The following ABCA5 variants were observed in gnomAD, a reference collection of about 807,000 sequenced individuals.
ABCA5 encodes cholesterol transporter ABCA5.
In ABCA5, 163 loss-of-function variants were observed where a neutral mutation model predicts 206.0. That is an observed-to-expected ratio of 0.79 (90% CI 0.70 to 0.90). The LOEUF (loss-of-function observed/expected upper bound fraction) is 0.90, where lower values mean the gene tolerates loss of function less well. Among genes scored for constraint, ABCA5 ranks in the 40% least tolerant of loss-of-function variants. The pLI is 0.00. For missense variants in ABCA5, 1,859 were observed against 1,912.9 expected (o/e 0.97, Z 0.53); for synonymous variants, 609 against 613.8 (o/e 0.99, Z 0.11).
At position 69,250,581 on chromosome 17, in the gene ABCA5, T is replaced by C. The variant is rs1477001864; in HGVS notation, c.4576A>G (p.Lys1526Glu). The C allele has an allele frequency of 1.1e-5, 18 of 1,599,580 alleles. No homozygotes were observed. Among genetic ancestry groups the C allele is most frequent in the Non-Finnish European group, 1.4e-5 (16 of 1,175,006 alleles). Reference protein sequence around the residue: ...TVQHLKSKFGKGYFLEIKLKD... With the variant: ...TVQHLKSKFGEGYFLEIKLKD... The stretch of plus-strand genomic sequence containing the variant: ...AATTTAATTTCCAAAAAGTAGCCTT[T>C]TCCAAATTTACTCTTTAGATGTTGT... The change falls in exon 36 of 39, where the codon AAA becomes GAA. Residue 1526 changes from lysine to glutamate, a missense_variant. By Grantham distance (56) the Lys-to-Glu change is moderately conservative. Transcript: ENST00000392676.
In ABCA5 at chr17:69,253,603, C is replaced by T. The variant is rs1342075994; in HGVS notation, c.4385G>A (p.Gly1462Asp). 2 of 1,613,726 alleles carry T rather than the reference C, an allele frequency of 1.2e-6. No homozygotes were observed. Among genetic ancestry groups the T allele is most frequent in the African/African-American group, 1.3e-5 (1 of 74,998 alleles). Residue 1462 changes from glycine to aspartate, a missense_variant, in exon 34 of 39, where the codon GGT becomes GAT. Physicochemically the swap from Gly to Asp is moderately conservative, Grantham distance 94. Transcript: ENST00000392676. ...QITLLDEPST[G>D]MDPKAKQHMW... is the part of the protein sequence containing the mutation. The stretch of plus-strand genomic sequence containing the variant: ...GTGCTGTTTGGCTTTGGGATCCATA[C>T]CTGTAGATGGTTCATCTAGCAAAGT...
chr17:69,286,059 A>C lies in ABCA5; in HGVS notation c.2133-22T>G, dbSNP rs564468899. On this transcript the variant is annotated intron_variant, in intron 16 of 38. Coordinates refer to ENST00000392676, the MANE Select transcript of ABCA5 (RefSeq NM_172232.4). ...CATGCTAGAGAATACCAAAAATCAC[A>C]ATTAATGATTATACAATAAACAGCC... The C allele has an allele frequency of 5.0e-6, 8 of 1,595,760 alleles. No individual in the cohort carries two copies. In the South Asian group the frequency reaches 9.2e-5, roughly 18 times the overall value.
intron 23 of ABCA5, 122 bp from the exon 24 acceptor site, chr17:69,265,027 G>C: frequency 1.7e-6 from 1 of 597,176 alleles, no homozygotes; most frequent in Non-Finnish European, 2.6e-6. Flanking sequence ...TTACATTCCA[G>C]GCTTATAGGT....
Position 69,309,251 on chromosome 17 carries a change from G to C in ABCA5, c.469+11C>G, listed in dbSNP as rs1444096953. On this transcript the variant is annotated intron_variant, in intron 4 of 38. Transcript: ENST00000392676. ...TTAATTGATCTTCAATGATTATGTA[G>C]GGCTATTTACCTCTTGAATCCATAT... 1.9e-6 allele frequency: 3 copies of C among 1,540,848 alleles called. No homozygotes were observed. In the Admixed American group the frequency reaches 7.0e-5, roughly 36 times the overall value.
Position 69,261,258 on chromosome 17 carries a change from G to C in ABCA5, c.3431C>G (p.Ala1144Gly), listed in dbSNP as rs2075143775. ...KEFWSFIYSV[A>G]ALACIAITEI... ...AGTGATTGCAATACAAGCCAACGCT[G>C]CCTAAAGAAAAAAATAAATAAATAA... The change falls in exon 26 of 39, where the codon GCA (alanine) becomes GGA (glycine). Residue 1144 changes from alanine (A) to glycine (G), a missense_variant and splice_region_variant. Transcript: ENST00000392676. 3.8e-6 allele frequency: 6 copies of C among 1,583,128 alleles called. No individual in the cohort carries two copies. The highest frequency in any genetic ancestry group is 1.8e-5 in the Admixed American group (1 of 54,424).
chr17:69,271,739 G>C (rs976852163), intron 20 of ABCA5, among the ~76,000 whole-genome samples: 1 of 152,082 alleles, frequency 6.6e-6, no homozygotes, highest in African/African-American at 2.4e-5. Context: ...TAAATAATAA[G>C]AATAAAAATC....
At chr17:69,258,173 T>G (rs1436152322) in intron 28 of ABCA5, among the ~76,000 whole-genome samples, 4 of 151,880 alleles carry the variant, frequency 2.6e-5, no homozygotes, top group Non-Finnish European at 4.4e-5. Flanking sequence ...ACTGGATATA[T>G]ATCCAAAGGA....
chr17:69,321,186 T>C (rs2075862243), intron 1 of ABCA5, among the ~76,000 whole-genome samples: 1 of 151,982 alleles, frequency 6.6e-6, no homozygotes, highest in African/African-American at 2.4e-5. Flanking sequence ...TACTTTTCTA[T>C]ATTGACGAAC....
intron 22 of ABCA5, among the ~76,000 whole-genome samples, chr17:69,269,399 T>C (rs2075247107): frequency 6.6e-6 from 1 of 152,188 alleles, no homozygotes; most frequent in South Asian, 2.1e-4. Context: ...TTTCTGTACG[T>C]TTGAAATATT....
At chr17:69,252,611 G>A (rs1045783252) in intron 34 of ABCA5, among the ~76,000 whole-genome samples, 12 of 151,966 alleles carry the variant, frequency 7.9e-5, no homozygotes, top group African/African-American at 1.2e-4. Context: ...CGAAGGGGGC[G>A]GATCACCTGA....
chr17:69,295,353 C>G (rs117004159), intron 10 of ABCA5, among the ~76,000 whole-genome samples: 6,464 of 152,152 alleles, frequency 0.042, 183 homozygotes, highest in Non-Finnish European at 0.066. Flanking sequence ...TGATGCTATT[C>G]AAGGCTTACG....
At chr17:69,314,200 G>A in intron 2 of ABCA5, 114 bp downstream of exon 2, 1 of 488,878 alleles carries the variant, frequency 2.0e-6, no homozygotes, top group East Asian at 3.7e-5. Context: ...TACAAGCAAA[G>A]AAAAATAAAA....
At position 69,266,570 on chromosome 17, in the gene ABCA5, A is replaced by AT. The variant is rs1159879954; in HGVS notation, c.3144+1372_3144+1373insA. Among the ~76,000 whole-genome samples the AT allele has an allele frequency of 1.2e-3, 167 of 140,682 alleles. No individual in the cohort carries two copies. In the Middle Eastern group the frequency reaches 0.015, roughly 12 times the overall value. The allele number at this position is 140,682 out of a possible 152,430, so 92.3% of individuals were successfully genotyped here. ...TACCCTAAAACTTAAAGTATAATAAAAATATATATATATATAAATAAAAAA... is the reference window on the plus strand; with the variant it reads ...TACCCTAAAACTTAAAGTATAATAAATAATATATATATATATAAATAAAAAA... On this transcript the variant is annotated intron_variant, in intron 23 of 38. Transcript: ENST00000392676.
chr17:69,318,489 A>C (rs2075836226), intron 1 of ABCA5, among the ~76,000 whole-genome samples: 1 of 152,200 alleles, frequency 6.6e-6, no homozygotes, highest in Admixed American at 6.5e-5. Context: ...CAGAAGGAAG[A>C]CTGGAAAGAA....
chr17:69,250,687 C>G, intron 35 of ABCA5, 66 bp from the exon 36 acceptor site: 1 of 1,182,262 alleles, frequency 8.5e-7, no homozygotes, highest in Non-Finnish European at 1.2e-6. Flanking sequence ...ATCTCTCACA[C>G]ATATAACTAC....
chr17:69,251,980 T>A, intron 34 of ABCA5, 114 bp from the exon 35 acceptor site: 4 of 1,080,266 alleles, frequency 3.7e-6, no homozygotes, highest in Admixed American at 2.5e-5. Flanking sequence ...TTACCAAATA[T>A]CAATTGCTAT....
chr17:69,317,242 A>AT (rs896683098), intron 1 of ABCA5: 1 of 151,912 alleles, frequency 6.6e-6, no homozygotes, highest in African/African-American at 2.4e-5. Context: ...ACTAAAAAAA[A>AT]ATATACAAAA....
At chr17:69,282,998 T>C (rs1240009376) in intron 18 of ABCA5, among the ~76,000 whole-genome samples, 2 of 148,162 alleles carry the variant, frequency 1.3e-5, no homozygotes, top group Non-Finnish European at 3.0e-5. Flanking sequence ...TTTTTTTTTT[T>C]TTTTTTTAAA....
chr17:69,311,876 C>A (rs2075774364), intron 3 of ABCA5, among the ~76,000 whole-genome samples: 1 of 152,124 alleles, frequency 6.6e-6, no homozygotes, highest in Non-Finnish European at 1.5e-5. Context: ...GCTTTTTGAG[C>A]TTGTACACTA....
Sources: gnomAD v4.1 joint callset for allele counts (sites outside exome capture counted in the v4.1 genomes callset) on GRCh38, gnomAD v4.1.1 for gene constraint, MANE v1.5 for transcripts, NCBI Gene and HGNC (gene_info 2026-07-23, HGNC 2026-07-21) for gene names.